RGS21: variants seen among roughly 807,000 people sequenced by gnomAD.
RGS21 encodes the protein regulator of G protein signaling 21.
Under a neutral mutation model 18.7 loss-of-function variants are expected in RGS21, and 19 were observed. That is an observed-to-expected ratio of 1.01 (90% CI 0.71 to 1.49). The LOEUF (loss-of-function observed/expected upper bound fraction) is 1.49, where lower values mean the gene tolerates loss of function less well. Ranked by LOEUF, RGS21 falls within the 40% of genes most tolerant of loss-of-function variation. RGS21 has a pLI of 0.00. For synonymous variants in RGS21, 56 were observed against 57.8 expected (o/e 0.97, Z 0.14); for missense variants, 194 against 176.8 (o/e 1.10, Z -0.55).
intron 2 of RGS21, among the ~76,000 whole-genome samples, chr1:192,343,787 T>G (rs1658908200): frequency 6.6e-6 from 1 of 152,008 alleles, no homozygotes; most frequent in African/African-American, 2.4e-5. Flanking sequence ...CATCACAATT[T>G]TACAGGAAAT....
chr1:192,327,636 C>T (rs755473954), intron 1 of RGS21, among the ~76,000 whole-genome samples: 1 of 151,964 alleles, frequency 6.6e-6, no homozygotes, highest in Non-Finnish European at 1.5e-5. Context: ...CCACACCCGG[C>T]TAATTTTTGT....
chr1:192,318,271 T>G (rs1268612272), intron 1 of RGS21, among the ~76,000 whole-genome samples: 1 of 152,054 alleles, frequency 6.6e-6, no homozygotes, highest in Non-Finnish European at 1.5e-5. Context: ...TGAAAATAAA[T>G]CAAGCAGCCA....
intron 2 of RGS21, among the ~76,000 whole-genome samples, chr1:192,346,262 A>C (rs1024144710): frequency 6.6e-6 from 1 of 152,092 alleles, no homozygotes; most frequent in Non-Finnish European, 1.5e-5. Flanking sequence ...CCTAGCAAAA[A>C]CTATAAAAAC....
chr1:192,338,059 A>G (rs1398111453), intron 1 of RGS21, among the ~76,000 whole-genome samples: 5 of 152,192 alleles, frequency 3.3e-5, no homozygotes, highest in Non-Finnish European at 7.4e-5. Context: ...AAGTAATGCA[A>G]CAAATTTGTC....
At chr1:192,360,870 A>G (rs1013595697) in intron 4 of RGS21, among the ~76,000 whole-genome samples, 21 of 152,092 alleles carry the variant, frequency 1.4e-4, no homozygotes, top group Non-Finnish European at 2.1e-4. Flanking sequence ...GCTTTTCCTT[A>G]GGGACGCAAT....
At chr1:192,346,246 A>G (rs1235678401) in intron 2 of RGS21, among the ~76,000 whole-genome samples, 1 of 152,110 alleles carries the variant, frequency 6.6e-6, no homozygotes, top group Non-Finnish European at 1.5e-5. Flanking sequence ...AGGAAGTACA[A>G]TCAATCCTAG....
chr1:192,333,619 T>C (rs1658695419), intron 1 of RGS21, among the ~76,000 whole-genome samples: 1 of 88,018 alleles, frequency 1.1e-5, no homozygotes, highest in African/African-American at 4.1e-5. Flanking sequence ...TATAATATTC[T>C]CAAAATGACA....
chr1:192,356,858 A>G (rs1659119116), intron 4 of RGS21, among the ~76,000 whole-genome samples: 1 of 151,728 alleles, frequency 6.6e-6, no homozygotes, highest in Admixed American at 6.6e-5. Flanking sequence ...TCCCCCAACT[A>G]CAGAATCATC....
At chr1:192,326,194 AAAT>A (rs1658566294) in intron 1 of RGS21, among the ~76,000 whole-genome samples, 1 of 152,088 alleles carries the variant, frequency 6.6e-6, no homozygotes, top group African/African-American at 2.4e-5. Flanking sequence ...CATGACTTTA[AAAT>A]AATGATGTTT....
intron 2 of RGS21, among the ~76,000 whole-genome samples, chr1:192,345,038 C>T (rs1658926843): frequency 6.6e-6 from 1 of 151,970 alleles, no homozygotes; most frequent in African/African-American, 2.4e-5. Flanking sequence ...GGTTCTACAC[C>T]ATCTCCCACA....
At position 192,366,369 on chromosome 1, in the gene RGS21, C is replaced by G; in HGVS notation, c.*245C>G. 5.7e-6 allele frequency: 2 copies of G among 348,768 alleles called. No individual in the cohort carries two copies. The highest frequency in any genetic ancestry group is 5.2e-6 in the Non-Finnish European group (1 of 192,562). The allele number at this position is 348,768 out of a possible 1,614,324, so 21.6% of individuals were successfully genotyped here. A position where few individuals can be genotyped will look rare whatever the true frequency, so the allele number is the denominator to read the frequency against. Reference sequence around the variant, plus strand: ...AAAGTTTATAGAGATACAATATAGTCTTAAACCAAAACTGAATATTCTTAT... The same window carrying G: ...AAAGTTTATAGAGATACAATATAGTGTTAAACCAAAACTGAATATTCTTAT... On this transcript the variant is annotated 3_prime_UTR_variant, in exon 5 of 5. Coordinates refer to ENST00000417209, the MANE Select transcript of RGS21 (RefSeq NM_001039152.3).
intron 1 of RGS21, among the ~76,000 whole-genome samples, chr1:192,324,749 A>G (rs891064429): frequency 1.3e-5 from 2 of 152,076 alleles, no homozygotes; most frequent in Admixed American, 6.6e-5. Flanking sequence ...CTTTATTCAT[A>G]TTTATTAAAC....
intron 1 of RGS21, among the ~76,000 whole-genome samples, chr1:192,328,018 G>A (rs748952166): frequency 4.6e-5 from 7 of 152,116 alleles, no homozygotes; most frequent in Non-Finnish European, 8.8e-5. Context: ...AACCAATAAG[G>A]TTGTCTTTAC....
intron 3 of RGS21, among the ~76,000 whole-genome samples, chr1:192,348,009 C>CATATATATATATAT (rs147266394): frequency 1.4e-5 from 2 of 146,908 alleles, no homozygotes; most frequent in African/African-American, 5.1e-5. Context: ...CATACACATA[C>CATATATATATATAT]ATATATATAT....
intron 4 of RGS21, among the ~76,000 whole-genome samples, chr1:192,360,179 A>G (rs958653579): frequency 2.6e-5 from 4 of 152,034 alleles, no homozygotes; most frequent in Non-Finnish European, 5.9e-5. Flanking sequence ...TTTAAATCTG[A>G]GTCCTGATTT....
chr1:192,337,981 T>A (rs183366184), intron 1 of RGS21, among the ~76,000 whole-genome samples: 30 of 152,300 alleles, frequency 2.0e-4, no homozygotes, highest in African/African-American at 7.0e-4. Context: ...CTATCAATGA[T>A]AGTACATGTT....
At chr1:192,356,635 G>A (rs1470629458) in intron 4 of RGS21, among the ~76,000 whole-genome samples, 2 of 151,630 alleles carry the variant, frequency 1.3e-5, no homozygotes, top group Non-Finnish European at 3.0e-5. Flanking sequence ...CTGAGTCTTG[G>A]GGGAAGAAAC....
intron 4 of RGS21, among the ~76,000 whole-genome samples, chr1:192,353,960 C>A (rs886913488): frequency 1.3e-5 from 2 of 151,270 alleles, no homozygotes; most frequent in African/African-American, 2.4e-5. Flanking sequence ...AATATGTATA[C>A]CCCATGTTTA....
At chr1:192,351,656 T>C (rs950942738) in intron 3 of RGS21, among the ~76,000 whole-genome samples, 20 of 148,456 alleles carry the variant, frequency 1.3e-4, no homozygotes, top group Admixed American at 4.1e-4. Context: ...ATATATGCTA[T>C]ATATATAACA....
Sources: gnomAD v4.1 joint callset for allele counts (sites outside exome capture counted in the v4.1 genomes callset) on GRCh38, gnomAD v4.1.1 for gene constraint, MANE v1.5 for transcripts, NCBI Gene and HGNC (gene_info 2026-07-23, HGNC 2026-07-21) for gene names.